The following FUT8 variants were observed in gnomAD, a reference collection of about 807,000 sequenced individuals.
The protein encoded by FUT8 is fucosyltransferase 8, also known as alpha-(1,6)-fucosyltransferase.
FUT8 carries 29 observed loss-of-function variants against 71.3 expected under a neutral mutation model. The ratio of observed to expected loss-of-function variants is 0.41; its 90% confidence interval spans 0.30 to 0.55. FUT8 has a LOEUF of 0.55. Ranked by LOEUF, FUT8 falls within the 20% of genes least tolerant of loss-of-function variation. The pLI is 0.34. For missense variants in FUT8, 544 were observed against 702.1 expected, an observed-to-expected ratio of 0.77 and a Z score of 2.55; for synonymous variants, 254 against 239.3, an observed-to-expected ratio of 1.06 and a Z score of -0.57.
In FUT8 at chr14:65,607,577, T is replaced by C; in HGVS notation, c.204-8401T>C. Reference sequence around the variant, plus strand: ...TGTATTTTTAAATATATTGCTGTATTTACTAATGGATCATTTGGGAGTTTG... The same window carrying C: ...TGTATTTTTAAATATATTGCTGTATCTACTAATGGATCATTTGGGAGTTTG... On this transcript the variant is annotated intron_variant, in intron 3 of 10. Coordinates refer to ENST00000673929, the MANE Select transcript of FUT8 (RefSeq NM_001371533.1). This position sits in a 1 kb window ranked among gnomAD's most constrained non-coding sequence, Gnocchi z 4.1. Among the ~76,000 whole-genome samples the C allele has an allele frequency of 6.6e-6, 1 of 151,922 alleles. No individual in the cohort carries two copies. Among genetic ancestry groups the C allele is most frequent in the East Asian group, 1.9e-4 (1 of 5,200 alleles).
At chr14:65,366,733 A>G in the FUT8 span, among the ~76,000 whole-genome samples, 1 of 152,150 alleles carries the variant, frequency 6.6e-6, no homozygotes, top group Non-Finnish European at 1.5e-5. Context: ...GCCCCTCAAA[A>G]TATCCTAGAC....
chr14:65,559,292 GT>G (rs1885775511), intron 2 of FUT8, among the ~76,000 whole-genome samples: 1 of 152,076 alleles, frequency 6.6e-6, no homozygotes, highest in East Asian at 1.9e-4. Context: ...TGTAGCTGTA[GT>G]TTTAGTATTC....
chr14:65,607,417 T>G lies in FUT8; in HGVS notation c.204-8561T>G, dbSNP rs1474922594. 6.6e-6 allele frequency among the ~76,000 whole-genome samples: 1 copy of G among 151,970 alleles called. No homozygotes were observed. The highest frequency in any genetic ancestry group is 1.5e-5 in the Non-Finnish European group (1 of 67,926). On this transcript the variant is annotated intron_variant, in intron 3 of 10. Coordinates refer to ENST00000673929, the MANE Select transcript of FUT8 (RefSeq NM_001371533.1). The surrounding 1 kb of genome is among the most constrained non-coding windows in gnomAD (Gnocchi z 4.1). ...GTTTATAATGAATAAGTATTAAATTTTATCTAATGATTTTTTGTTTCCATT... is the reference window on the plus strand; with the variant it reads ...GTTTATAATGAATAAGTATTAAATTGTATCTAATGATTTTTTGTTTCCATT...
the FUT8 span, among the ~76,000 whole-genome samples, chr14:65,392,974 T>G: frequency 6.6e-6 from 1 of 152,228 alleles, no homozygotes; most frequent in African/African-American, 2.4e-5. Flanking sequence ...GAAAGTCAAA[T>G]TTAATGAGCA....
chr14:65,585,424 C>A (rs1462684028), intron 3 of FUT8, among the ~76,000 whole-genome samples: 2 of 152,148 alleles, frequency 1.3e-5, no homozygotes, highest in African/African-American at 4.8e-5. Flanking sequence ...TAGTCTCAAG[C>A]AGTCCTCCCA....
chr14:65,497,135 TA>T (rs915425540), intron 2 of FUT8, among the ~76,000 whole-genome samples: 2 of 152,202 alleles, frequency 1.3e-5, no homozygotes, highest in Non-Finnish European at 2.9e-5. Context: ...TTAGAGTATG[TA>T]AAAGTTCATT....
At chr14:65,699,825 A>G (rs1371894849) in intron 7 of FUT8, among the ~76,000 whole-genome samples, 1 of 152,100 alleles carries the variant, frequency 6.6e-6, no homozygotes, top group African/African-American at 2.4e-5. Context: ...GGTTTTTTTT[A>G]TATAGGTTAG....
intron 1 of FUT8, among the ~76,000 whole-genome samples, chr14:65,429,738 C>A (rs1319394936): frequency 6.6e-6 from 1 of 151,590 alleles, no homozygotes; most frequent in South Asian, 2.1e-4. Context: ...TGGTGTGTGC[C>A]TGTAGGCCCA....
intron 1 of FUT8, among the ~76,000 whole-genome samples, chr14:65,430,990 A>ATTT (rs5809273): frequency 3.1e-4 from 39 of 127,016 alleles, no homozygotes; most frequent in Non-Finnish European, 3.8e-4. Flanking sequence ...TTTTCTACTA[A>ATTT]TTTTTTTTTT....
chr14:65,384,553 A>G, the FUT8 span, among the ~76,000 whole-genome samples: 2 of 152,198 alleles, frequency 1.3e-5, no homozygotes, highest in African/African-American at 4.8e-5. The surrounding 1 kb of genome is among the most constrained non-coding windows in gnomAD (Gnocchi z 4.2). Flanking sequence ...AGCTGTTGTA[A>G]TGCCTTCATT....
chr14:65,431,835 A>G (rs914999325), intron 1 of FUT8, among the ~76,000 whole-genome samples: 26 of 152,136 alleles, frequency 1.7e-4, no homozygotes, highest in Non-Finnish European at 5.9e-5. Context: ...GTTAGAATGT[A>G]TAGGATCATT....
chr14:65,529,496 GTGC>G (rs901864599), intron 2 of FUT8: 5 of 152,880 alleles, frequency 3.3e-5, no homozygotes, highest in African/African-American at 1.2e-4. Flanking sequence ...GCCTTCCAAA[GTGC>G]TGGGATTACA....
chr14:65,463,601 A>T (rs1172524085), intron 2 of FUT8, among the ~76,000 whole-genome samples: 1 of 152,178 alleles, frequency 6.6e-6, no homozygotes, highest in Non-Finnish European at 1.5e-5. Context: ...AAAGAATGTT[A>T]AGGAGTTACT....
At chr14:65,470,695 C>T (rs569140510) in intron 2 of FUT8, among the ~76,000 whole-genome samples, 2 of 152,164 alleles carry the variant, frequency 1.3e-5, no homozygotes, top group East Asian at 3.9e-4. Context: ...CCCGGGCAGC[C>T]CTGCACAGAG....
chr14:65,624,539 C>T (rs1358194854), intron 5 of FUT8, among the ~76,000 whole-genome samples: 1 of 152,220 alleles, frequency 6.6e-6, no homozygotes, highest in Non-Finnish European at 1.5e-5. Context: ...GCACTCTTCT[C>T]TCTAAATTAG....
At chr14:65,511,262 G>A (rs1011655489) in intron 2 of FUT8, among the ~76,000 whole-genome samples, 6 of 151,810 alleles carry the variant, frequency 4.0e-5, no homozygotes, top group African/African-American at 7.2e-5. Context: ...TATTGTGGTC[G>A]GAGAAGATGT....
chr14:65,693,081 C>G (rs1348658894), intron 7 of FUT8, among the ~76,000 whole-genome samples: 1 of 152,046 alleles, frequency 6.6e-6, no homozygotes, highest in East Asian at 1.9e-4. Context: ...CAGGCAGAGA[C>G]GCTCCTCACT....
At chr14:65,528,289 G>T (rs1048613693) in intron 2 of FUT8, among the ~76,000 whole-genome samples, 32 of 152,284 alleles carry the variant, frequency 2.1e-4, no homozygotes, top group African/African-American at 7.7e-4. Context: ...CTTGCAGTTC[G>T]ATCTCAGACT....
At chr14:65,433,119 C>T (rs1380757616) in intron 1 of FUT8, among the ~76,000 whole-genome samples, 2 of 152,202 alleles carry the variant, frequency 1.3e-5, no homozygotes, top group African/African-American at 2.4e-5. Context: ...CCTGACCCAA[C>T]GGCTACCTTT....
Sources: allele counts gnomAD v4.1 joint callset (sites outside exome capture counted in the v4.1 genomes callset), GRCh38; gene constraint gnomAD v4.1.1; non-coding constraint Gnocchi (gnomAD v3.1); transcripts MANE v1.5; gene names NCBI Gene and HGNC (gene_info 2026-07-23, HGNC 2026-07-21).